The following TRAK1 variants were observed in gnomAD, a reference collection of about 807,000 sequenced individuals.
TRAK1 encodes trafficking kinesin-binding protein 1.
TRAK1 carries 33 observed loss-of-function variants against 92.1 expected under a neutral mutation model. The ratio of observed to expected loss-of-function variants is 0.36; its 90% CI spans 0.27 to 0.48. The LOEUF is 0.48. Among genes scored for constraint, TRAK1 ranks in the 20% least tolerant of loss-of-function variants. The pLI is 0.99. For missense variants in TRAK1, 1,123 were observed against 1,257.9 expected (o/e 0.89, Z 1.62); for synonymous variants, 521 against 517.3 (o/e 1.01, Z -0.10).
At chr3:42,221,576 C>T (rs1488159707) in intron 15 of TRAK1, among the ~76,000 whole-genome samples, 9 of 152,194 alleles carry the variant, frequency 5.9e-5, no homozygotes, top group African/African-American at 2.2e-4. Flanking sequence ...GTGCCTTTCT[C>T]AGAGTACATG....
intron 1 of TRAK1, 80 bp downstream of exon 1, chr3:42,091,640 C>A: frequency 2.2e-6 from 3 of 1,381,928 alleles, no homozygotes; most frequent in South Asian, 1.3e-5. Context: ...ACAGGAGAAG[C>A]TGTCTCTCTC....
chr3:42,074,807 A>G (rs1704079791), intron 1 of TRAK1, among the ~76,000 whole-genome samples: 1 of 151,828 alleles, frequency 6.6e-6, no homozygotes, highest in East Asian at 1.9e-4. Context: ...TTAGCACTGT[A>G]CCTAATGGAA....
chr3:42,146,102 A>T (rs1052032062), intron 2 of TRAK1: 1 of 470,154 alleles, frequency 2.1e-6, no homozygotes, highest in African/African-American at 2.0e-5. Flanking sequence ...CTTGTATCCC[A>T]AGTGCACTGA....
At chr3:42,131,243 A>C (rs1003201990) in intron 2 of TRAK1, among the ~76,000 whole-genome samples, 1 of 152,092 alleles carries the variant, frequency 6.6e-6, no homozygotes, top group Non-Finnish European at 1.5e-5. Flanking sequence ...CAGGGCCGAC[A>C]CAGTGGTCGC....
chr3:42,018,346 G>A (rs1016541850), intron 1 of TRAK1, among the ~76,000 whole-genome samples: 1 of 152,058 alleles, frequency 6.6e-6, no homozygotes, highest in African/African-American at 2.4e-5. Context: ...GAGGTTCTGG[G>A]GAATCCCCAG....
intron 1 of TRAK1, among the ~76,000 whole-genome samples, chr3:42,059,828 C>T (rs1391097966): frequency 6.6e-6 from 1 of 152,128 alleles, no homozygotes; most frequent in Non-Finnish European, 1.5e-5. Context: ...CAGTTTCTTC[C>T]TCTGTGCAGT....
At chr3:42,053,544 A>G (rs1224338578) in intron 1 of TRAK1, among the ~76,000 whole-genome samples, 1 of 151,886 alleles carries the variant, frequency 6.6e-6, no homozygotes, top group Non-Finnish European at 1.5e-5. Context: ...ACCCTGGTGT[A>G]GGCTGGAGAA....
rs1453068941 is a variant in TRAK1 at position 42,160,350 on chromosome 3, G to A, written c.287-16464G>A. ...CTTAGGGTGATGTTTTGGCTTTGGG[G>A]TGACTTCAGCAATGTCCCTGCGAGA... On this transcript the variant is annotated intron_variant, in intron 2 of 15. Transcript: ENST00000327628. 7.4e-6 allele frequency: 12 copies of A among 1,613,882 alleles called. No homozygotes were observed. The Admixed American group carries it at 1.2e-4, about 16-fold the overall frequency.
upstream of TRAK1, among the ~76,000 whole-genome samples, chr3:42,088,463 T>C (rs543057339): frequency 4.6e-5 from 7 of 152,332 alleles, no homozygotes; most frequent in East Asian, 1.4e-3. Flanking sequence ...TTTTCTCTAC[T>C]GCATCATTCT....
chr3:42,058,891 T>C (rs888355782), intron 1 of TRAK1, among the ~76,000 whole-genome samples: 2 of 152,212 alleles, frequency 1.3e-5, no homozygotes, highest in African/African-American at 4.8e-5. Flanking sequence ...ATTTTAGAGA[T>C]ATTGAAATGT....
chr3:42,153,455 T>G (rs1484932020), intron 2 of TRAK1, among the ~76,000 whole-genome samples: 1 of 152,060 alleles, frequency 6.6e-6, no homozygotes, highest in African/African-American at 2.4e-5. Flanking sequence ...TTTGACCACC[T>G]GTTTGTTGCT....
At chr3:42,134,331 C>T (rs1301875769) in intron 2 of TRAK1, among the ~76,000 whole-genome samples, 1 of 151,654 alleles carries the variant, frequency 6.6e-6, no homozygotes, top group Non-Finnish European at 1.5e-5. Flanking sequence ...GGCTGGAGTG[C>T]AGTGGTGGCA....
intron 1 of TRAK1, among the ~76,000 whole-genome samples, chr3:42,079,928 A>T (rs760436370): frequency 1.3e-5 from 2 of 152,098 alleles, no homozygotes; most frequent in Non-Finnish European, 2.9e-5. Context: ...TGCACCAGGG[A>T]GTGGAGAAGG....
intron 1 of TRAK1, among the ~76,000 whole-genome samples, chr3:42,099,959 AG>A (rs1201026234): frequency 6.6e-6 from 1 of 152,050 alleles, no homozygotes; most frequent in Admixed American, 6.6e-5. Flanking sequence ...GGGCCTGTCC[AG>A]GTGAGGATGC....
chr3:42,212,140 C>T, intron 14 of TRAK1: 1 of 985,426 alleles, frequency 1.0e-6, no homozygotes, highest in Non-Finnish European at 1.2e-6. Flanking sequence ...TCCTGGAGGT[C>T]CCAAGTAGCT....
At chr3:42,017,678 A>G (rs151144975) in intron 1 of TRAK1, among the ~76,000 whole-genome samples, 2,065 of 152,348 alleles carry the variant, frequency 0.014, 134 homozygotes, top group Admixed American at 0.11. Context: ...TGAGCTGCTT[A>G]AAGGCTATGA....
At chr3:42,096,824 C>T (rs1705995612) in intron 1 of TRAK1, among the ~76,000 whole-genome samples, 1 of 152,200 alleles carries the variant, frequency 6.6e-6, no homozygotes, top group African/African-American at 2.4e-5. Flanking sequence ...GTTTTCAGTT[C>T]TTGCATTTTA....
intron 2 of TRAK1, among the ~76,000 whole-genome samples, chr3:42,146,846 G>A (rs1211209817): frequency 6.6e-6 from 1 of 152,184 alleles, no homozygotes; most frequent in Non-Finnish European, 1.5e-5. Flanking sequence ...ATGAGCCAAT[G>A]CAACCAGCCC....
chr3:42,134,679 T>G (rs1697707101), intron 2 of TRAK1, among the ~76,000 whole-genome samples: 1 of 148,106 alleles, frequency 6.8e-6, no homozygotes, highest in Admixed American at 6.8e-5. Context: ...CTCTGCCTCC[T>G]GGGTTCACGC....
Sources: allele counts gnomAD v4.1 joint callset (sites outside exome capture counted in the v4.1 genomes callset), GRCh38; gene constraint gnomAD v4.1.1; transcripts MANE v1.5; gene names NCBI Gene and HGNC (gene_info 2026-07-23, HGNC 2026-07-21).